Variants in KCND3 observed in about 807,000 individuals in gnomAD.
KCND3 encodes the protein A-type voltage-gated potassium channel KCND3.
KCND3 carries 9 observed loss-of-function variants against 51.1 expected under a neutral mutation model. The observed-to-expected ratio is 0.18, with a 90% CI of 0.11 to 0.31. The LOEUF (loss-of-function observed/expected upper bound fraction) is 0.31, where lower values mean the gene tolerates loss of function less well. Among genes scored for constraint, KCND3 ranks in the 10% least tolerant of loss-of-function variants. The probability of loss-of-function intolerance (pLI) is 1.00; values close to 1 mark genes in which losing one functional copy is unlikely to be tolerated. For missense variants in KCND3, 526 were observed against 903.8 expected (o/e 0.58, Z 5.36); for synonymous variants, 349 against 368.0 (o/e 0.95, Z 0.59).
At chr1:111,920,299 C>T (rs1254543251) in intron 2 of KCND3, among the ~76,000 whole-genome samples, 1 of 151,968 alleles carries the variant, frequency 6.6e-6, no homozygotes, top group Admixed American at 6.6e-5. Flanking sequence ...GAGGAGAGGT[C>T]GTCTTCCTAC....
chr1:111,919,051 T>G (rs1671357725), intron 2 of KCND3, among the ~76,000 whole-genome samples: 2 of 151,636 alleles, frequency 1.3e-5, no homozygotes, highest in Non-Finnish European at 2.9e-5. Flanking sequence ...GAGCCTGAGC[T>G]CAGGGCATCA....
intron 2 of KCND3, among the ~76,000 whole-genome samples, chr1:111,803,198 C>G (rs1307811929): frequency 2.6e-5 from 4 of 152,172 alleles, no homozygotes; most frequent in Non-Finnish European, 1.5e-5. Flanking sequence ...ACCCTAGCAC[C>G]CTAGCCTTAC....
intron 2 of KCND3, among the ~76,000 whole-genome samples, chr1:111,836,863 C>G (rs1163505886): frequency 6.6e-6 from 1 of 152,170 alleles, no homozygotes; most frequent in African/African-American, 2.4e-5. Context: ...GTTCAGGATT[C>G]CAAACTCCAT....
intron 2 of KCND3, among the ~76,000 whole-genome samples, chr1:111,803,193 A>T (rs1047031257): frequency 1.3e-5 from 2 of 152,104 alleles, no homozygotes; most frequent in Non-Finnish European, 2.9e-5. Flanking sequence ...GTGACACCCT[A>T]GCACCCTAGC....
In KCND3 at chr1:111,982,049, G is replaced by A. The variant is rs552621626; in HGVS notation, c.678C>T (p.Phe226=). The A allele has an allele frequency of 6.2e-7, 1 of 1,613,832 alleles. No homozygotes were observed. The highest frequency in any genetic ancestry group is 2.2e-5 in the East Asian group (1 of 44,788). ...LPCGERYSVA[F]FCLDTACVMI... is the part of the protein sequence containing the mutation. ...TGACGCACGCCGTGTCCAGGCAGAA[G>A]AAGGCCACCGAGTAGCGCTCCCCGC... Residue 226 remains phenylalanine, a synonymous_variant, in exon 2 of 8, where the codon TTC becomes TTT. Coordinates refer to ENST00000302127, the MANE Select transcript of KCND3 (RefSeq NM_001378969.1). This position sits in a 1 kb window ranked among gnomAD's most constrained non-coding sequence, Gnocchi z 8.5.
intron 2 of KCND3, among the ~76,000 whole-genome samples, chr1:111,894,330 C>T (rs1669995378): frequency 6.6e-6 from 1 of 152,180 alleles, no homozygotes. Flanking sequence ...CTTTGTGGAG[C>T]TAACTTCTTA....
intron 2 of KCND3, among the ~76,000 whole-genome samples, chr1:111,937,662 G>A (rs577970663): frequency 5.9e-5 from 9 of 152,274 alleles, no homozygotes; most frequent in South Asian, 2.1e-4. Context: ...AGAGAGGGAC[G>A]AGGCCAGGGC....
At chr1:111,892,838 A>G (rs17674625) in intron 2 of KCND3, among the ~76,000 whole-genome samples, 4,776 of 152,338 alleles carry the variant, frequency 0.031, 106 homozygotes, top group Non-Finnish European at 0.045. Context: ...GAGAAGTAGG[A>G]AGGAAGACTT....
In KCND3 at chr1:111,982,989, TC is replaced by T. The variant is rs1177465595; in HGVS notation, c.-72-192del. ...TCCAGACACTGGGAGAACACCTAGCTCCTGGAGCTCGGCAGGGTGGGATCGC... is the reference window on the plus strand; with the variant it reads ...TCCAGACACTGGGAGAACACCTAGCTCTGGAGCTCGGCAGGGTGGGATCGC... On this transcript the variant is annotated intron_variant, in intron 1 of 7. Transcript: ENST00000302127. This position sits in a 1 kb window ranked among gnomAD's most constrained non-coding sequence, Gnocchi z 8.5. Among the ~76,000 whole-genome samples, 2 of 152,086 alleles carry T rather than the reference TC, an allele frequency of 1.3e-5. No homozygotes were observed. Among genetic ancestry groups the T allele is most frequent in the African/African-American group, 4.8e-5 (2 of 41,404 alleles).
In KCND3 at chr1:111,777,021, C is replaced by T; in HGVS notation, c.1766+5G>A. The T allele has an allele frequency of 6.2e-7, 1 of 1,613,156 alleles. No individual in the cohort carries two copies. ...TTTGCGGGTGATGGGATGGAAGCCA[C>T]CCACCTGGTTGTGAGGGAGGGCTGC... is the stretch of plus-strand genomic sequence containing the variant. On this transcript the variant is annotated splice_donor_5th_base_variant and intron_variant, in intron 7 of 7. Transcript: ENST00000302127.
rs1482727488 is a variant in KCND3, at chr1:111,772,616, A to G, written c.*3461T>C. On this transcript the variant is annotated 3_prime_UTR_variant, in exon 8 of 8. Transcript: ENST00000302127. ...ATAACTGCATGACCTTGAACAAGTC[A>G]TTTAATTTCTCTGGGTCTCAGTTTT... 3 of 152,236 alleles carry G rather than the reference A, an allele frequency of 2.0e-5. No individual in the cohort carries two copies. Among genetic ancestry groups the G allele is most frequent in the African/African-American group, 7.2e-5 (3 of 41,462 alleles). 9.4% of individuals were successfully genotyped at this position (152,236 alleles called of 1,614,324 possible).
intron 2 of KCND3, among the ~76,000 whole-genome samples, chr1:111,811,160 G>T (rs1665828414): frequency 2.0e-5 from 3 of 152,196 alleles, no homozygotes; most frequent in Admixed American, 2.0e-4. Context: ...CTATCCTGAT[G>T]TGTGAGTCTT....
At chr1:111,892,204 G>A (rs975904535) in intron 2 of KCND3, among the ~76,000 whole-genome samples, 39 of 152,200 alleles carry the variant, frequency 2.6e-4, no homozygotes, top group African/African-American at 9.4e-4. Context: ...AACACAGGCT[G>A]AGGCCTGGCG....
intron 2 of KCND3, among the ~76,000 whole-genome samples, chr1:111,907,287 A>G (rs1052372706): frequency 6.6e-6 from 1 of 152,242 alleles, no homozygotes; most frequent in Non-Finnish European, 1.5e-5. Flanking sequence ...ACAAAGGGGA[A>G]GACTCTCAGA....
intron 2 of KCND3, among the ~76,000 whole-genome samples, chr1:111,916,721 C>T (rs900997058): frequency 9.2e-5 from 14 of 152,280 alleles, no homozygotes; most frequent in Non-Finnish European, 1.9e-4. Context: ...ATCACTACAG[C>T]TTTCACACAC....
chr1:111,794,356 G>A (rs10857904), intron 2 of KCND3, among the ~76,000 whole-genome samples: 1 of 152,100 alleles, frequency 6.6e-6, no homozygotes, highest in Non-Finnish European at 1.5e-5. Flanking sequence ...TGCCTCTCAG[G>A]TGGGGGCACG....
At chr1:111,845,130 T>C (rs1417596295) in intron 2 of KCND3, among the ~76,000 whole-genome samples, 2 of 152,214 alleles carry the variant, frequency 1.3e-5, no homozygotes, top group Non-Finnish European at 2.9e-5. Flanking sequence ...TGGCCTCTGA[T>C]GCTAAATCCA....
intron 2 of KCND3, among the ~76,000 whole-genome samples, chr1:111,907,622 C>A (rs1181053895): frequency 6.6e-6 from 1 of 152,218 alleles, no homozygotes. Context: ...CCCACAGAAA[C>A]TGTAAGATGA....
At chr1:111,971,599 G>A (rs1051014288) in intron 2 of KCND3, among the ~76,000 whole-genome samples, 1 of 152,090 alleles carries the variant, frequency 6.6e-6, no homozygotes, top group Non-Finnish European at 1.5e-5. Flanking sequence ...TTCAGCTGAT[G>A]ATTTTGGAAA....
Sources: gnomAD v4.1 joint callset for allele counts (sites outside exome capture counted in the v4.1 genomes callset) on GRCh38, gnomAD v4.1.1 for gene constraint, Gnocchi (gnomAD v3.1) non-coding constraint, MANE v1.5 for transcripts, NCBI Gene and HGNC (gene_info 2026-07-23, HGNC 2026-07-21) for gene names.